The following ANO9 variants were observed in gnomAD, a reference collection of about 807,000 sequenced individuals.
The protein encoded by ANO9 is anoctamin 9.
A neutral mutation model predicts 100.5 loss-of-function variants in ANO9; 80 were observed. The observed-to-expected ratio is 0.80, with a 90% CI of 0.66 to 0.96. The LOEUF (loss-of-function observed/expected upper bound fraction) is 0.96, where lower values mean the gene tolerates loss of function less well. ANO9 is among the 40% of genes least tolerant of loss of function. The pLI is 0.00. For missense variants in ANO9, 1,064 were observed against 1,072.7 expected, an observed-to-expected ratio of 0.99 and a Z score of 0.11; for synonymous variants, 473 against 435.6, an observed-to-expected ratio of 1.09 and a Z score of -1.07.
chr11:429,458 G>T, intron 11 of ANO9, 112 bp downstream of exon 11: 2 of 1,515,552 alleles, frequency 1.3e-6, no homozygotes, highest in South Asian at 2.5e-5. Context: ...TGGGGAGACA[G>T]ACTCGGGACA....
chr11:429,439 C>A, intron 11 of ANO9, 131 bp downstream of exon 11: 1 of 1,494,898 alleles, frequency 6.7e-7, no homozygotes. Context: ...AGGACACACG[C>A]CCCACATGTG....
chr11:434,620 G>A (rs1000529634), intron 1 of ANO9, among the ~76,000 whole-genome samples: 4 of 152,142 alleles, frequency 2.6e-5, no homozygotes, highest in South Asian at 2.1e-4. Context: ...CACTCGCGGC[G>A]GCCCCATTTC....
chr11:431,347 A>C (rs1590477625), intron 7 of ANO9, among the ~76,000 whole-genome samples: 3 of 57,762 alleles, frequency 5.2e-5, no homozygotes, highest in East Asian at 6.6e-4. Context: ...TCCCGCGGGT[A>C]TCTGGGGGCG....
In ANO9 at chr11:430,267, A is replaced by C. The variant is rs750096458; in HGVS notation, c.674+2T>G. ...CCATGCCCGGCCCCTGCTGCGGCCC[A>C]CCTGATCTGGCTGGCCTCAAACAGC... On this transcript the variant is annotated splice_donor_variant, in intron 8 of 22. Transcript: ENST00000332826. LOFTEE classifies it high-confidence loss of function. The C allele has an allele frequency of 8.3e-6, 13 of 1,563,264 alleles. No individual in the cohort carries two copies. The South Asian group carries it at 1.5e-4, about 18-fold the overall frequency.
chr11:441,841 G>A (rs963215540), intron 1 of ANO9, 80 bp downstream of exon 1: 995 of 1,548,934 alleles, frequency 6.4e-4, no homozygotes, highest in Non-Finnish European at 8.1e-4. Context: ...GGGGCTGGCG[G>A]GGGGCTGGGG....
chr11:429,218 C>T (rs58631550), intron 11 of ANO9, among the ~76,000 whole-genome samples: 8 of 130,980 alleles, frequency 6.1e-5, no homozygotes, highest in African/African-American at 1.9e-4. Flanking sequence ...GGACACTCAC[C>T]CCACACGTGG....
chr11:426,068 T>C (rs1848504718), intron 15 of ANO9, among the ~76,000 whole-genome samples: 1 of 152,134 alleles, frequency 6.6e-6, no homozygotes, highest in Admixed American at 6.5e-5. Context: ...TTTTAAAAAA[T>C]GAAAAGACTT....
intron 20 of ANO9, 168 bp from the exon 21 acceptor site, chr11:419,157 G>C: frequency 6.9e-7 from 1 of 1,442,862 alleles, no homozygotes; most frequent in Non-Finnish European, 9.1e-7. Context: ...CTTCACATCC[G>C]GGGGCCTTGT....
chr11:417,988 G>T lies in ANO9; in HGVS notation c.*383C>A, dbSNP rs1437926874. 2 of 242,120 alleles carry T rather than the reference G, an allele frequency of 8.3e-6. No individual in the cohort carries two copies. Among genetic ancestry groups the T allele is most frequent in the African/African-American group, 4.5e-5 (2 of 44,128 alleles). The allele number at this position is 242,120 out of a possible 1,614,324, so 15.0% of individuals were successfully genotyped here. A position where few individuals can be genotyped will look rare whatever the true frequency, so the allele number is the denominator to read the frequency against. Reference sequence around the variant, plus strand: ...CGGGTTGGCTGAAGGGAACAGGCCAGCGAGGTGGGCTCAGGACACCCCCAA... The same window carrying T: ...CGGGTTGGCTGAAGGGAACAGGCCATCGAGGTGGGCTCAGGACACCCCCAA... On this transcript the variant is annotated 3_prime_UTR_variant, in exon 23 of 23. Transcript: ENST00000332826. The surrounding 1 kb of genome is among the most constrained non-coding windows in gnomAD (Gnocchi z 4.2).
chr11:433,504 G>GAACCCTTCCCC, intron 3 of ANO9, 45 bp from the exon 4 acceptor site: 3 of 1,570,848 alleles, frequency 1.9e-6, no homozygotes, highest in Non-Finnish European at 2.6e-6. Flanking sequence ...AACCCTCCCC[G>GAACCCTTCCCC]CTCTATCCCG....
Position 433,325 on chromosome 11 carries a change from C to G in ANO9, c.339G>C (p.Pro113=), listed in dbSNP as rs374590303. 4 of 1,612,188 alleles carry G rather than the reference C, an allele frequency of 2.5e-6. No individual in the cohort carries two copies. In the Admixed American group the frequency reaches 6.7e-5, roughly 27 times the overall value. The part of the protein sequence containing the change: ...HAELAAPTTI[P]VTTSLRIRIV... ...GTGCAGCCTCTCACCTCGTGGTGAC[C>G]GGGATGGTGGTCGGCGCGGCCAGCT... The change falls in exon 4 of 23, where the codon CCG becomes CCC. Residue 113 remains proline, a synonymous_variant. Transcript: ENST00000332826.
At chr11:439,442 GA>G (rs1249484921) in intron 1 of ANO9, among the ~76,000 whole-genome samples, 1 of 151,980 alleles carries the variant, frequency 6.6e-6, no homozygotes, top group Non-Finnish European at 1.5e-5. Flanking sequence ...TGGTTGTGCA[GA>G]TATGACCCCA....
chr11:437,089 G>T lies in ANO9; in HGVS notation c.7-2991C>A, dbSNP rs906459679. 9.2e-5 allele frequency among the ~76,000 whole-genome samples: 12 copies of T among 129,890 alleles called. 1 individual carries two copies. Among genetic ancestry groups the T allele is most frequent in the Non-Finnish European group, 1.6e-4 (10 of 61,522 alleles). 85.2% of individuals were successfully genotyped at this position (129,890 alleles called of 152,430 possible). A position where few individuals can be genotyped will look rare whatever the true frequency, so the allele number is the denominator to read the frequency against. On this transcript the variant is annotated intron_variant, in intron 1 of 22. Transcript: ENST00000332826. ...GTGAATGTTCCCACCTGGGCTCCAT[G>T]TCCCATCAGATCAGCGGCGGCATTA...
chr11:423,885 TCACACACA>T (rs57182615), intron 15 of ANO9, among the ~76,000 whole-genome samples: 75 of 143,392 alleles, frequency 5.2e-4, no homozygotes, highest in East Asian at 1.6e-3. Flanking sequence ...AGTTGAATAC[TCACACACA>T]CACACACACA....
At chr11:434,196 C>G in intron 1 of ANO9, 98 bp from the exon 2 acceptor site, 1 of 1,347,484 alleles carries the variant, frequency 7.4e-7, no homozygotes, top group Non-Finnish European at 1.0e-6. Flanking sequence ...TGGTCACACA[C>G]CGTCCCTCCC....
In ANO9 at chr11:428,709, G is replaced by T. The variant is rs373457447; in HGVS notation, c.1020+13C>A. The T allele has an allele frequency of 4.3e-6, 7 of 1,612,948 alleles. No homozygotes were observed. The highest frequency in any genetic ancestry group is 1.7e-4 in the Middle Eastern group (1 of 6,060). On this transcript the variant is annotated intron_variant, in intron 12 of 22. Transcript: ENST00000332826. ...CCCGGGTCTCCAGCCCCACCGCGGT[G>T]TCCCCTGCGTACCATGAGCAGGGTC...
At chr11:435,814 G>C (rs372244254) in intron 1 of ANO9, among the ~76,000 whole-genome samples, 1 of 145,988 alleles carries the variant, frequency 6.8e-6, no homozygotes, top group African/African-American at 2.6e-5. Flanking sequence ...GCATAGTATA[G>C]CATAGCATAA....
Position 432,119 on chromosome 11 carries a change from G to T in ANO9, c.351-65C>A. 1 of 1,576,232 alleles carries T rather than the reference G, an allele frequency of 6.3e-7. No homozygotes were observed. On this transcript the variant is annotated intron_variant, in intron 4 of 22. Transcript: ENST00000332826. This position sits in a 1 kb window ranked among gnomAD's most constrained non-coding sequence, Gnocchi z 4.8. ...GGACCCTGCCTCCAGGTCTCAACCT[G>T]CCCTCTGGTCTGGCCAGGCCCAGGC...
chr11:433,398 A>G lies in ANO9; in HGVS notation c.266T>C (p.Leu89Pro), dbSNP rs376307434. Residue 89 changes from leucine to proline, a missense_variant, in exon 4 of 23, where the codon CTG (leucine) becomes CCG (proline). Leu to Pro is a moderately conservative substitution (Grantham distance 98, BLOSUM62 -3). Coordinates refer to ENST00000332826, the MANE Select transcript of ANO9 (RefSeq NM_001012302.3). Reference protein sequence around the residue: ...GIRADNSVFGLYRTLLLEPEG... With the variant: ...GIRADNSVFGPYRTLLLEPEG... ...AGGCTCCAGGAGGAGAGTGCGGTACAGGCCAAAGACACTGTTGTCAGCACG... is the reference window on the plus strand; with the variant it reads ...AGGCTCCAGGAGGAGAGTGCGGTACGGGCCAAAGACACTGTTGTCAGCACG... 19 of 1,613,220 alleles carry G rather than the reference A, an allele frequency of 1.2e-5. No homozygotes were observed. Among genetic ancestry groups the G allele is most frequent in the Non-Finnish European group, 1.6e-5 (19 of 1,179,880 alleles).
Sources: allele counts gnomAD v4.1 joint callset (sites outside exome capture counted in the v4.1 genomes callset), GRCh38; gene constraint gnomAD v4.1.1; non-coding constraint Gnocchi (gnomAD v3.1); transcripts MANE v1.5; gene names NCBI Gene and HGNC (gene_info 2026-07-23, HGNC 2026-07-21).